CDH18: variants seen among roughly 807,000 people sequenced by gnomAD.
CDH18 encodes the protein cadherin-18.
Under a neutral mutation model 67.9 loss-of-function variants are expected in CDH18, and 31 were observed. That is an observed-to-expected ratio of 0.46 (90% CI 0.34 to 0.62). The LOEUF (loss-of-function observed/expected upper bound fraction) is 0.62. Ranked by LOEUF, CDH18 falls within the 20% of genes least tolerant of loss-of-function variation. The pLI, the probability that CDH18 is intolerant of heterozygous loss-of-function variation, is 0.01. For synonymous variants in CDH18, 362 were observed against 347.2 expected, an observed-to-expected ratio of 1.04 and a Z score of -0.48; for missense variants, 890 against 975.5, an observed-to-expected ratio of 0.91 and a Z score of 1.17.
chr5:20,182,311 C>T (rs1280706621), intron 2 of CDH18, among the ~76,000 whole-genome samples: 1 of 151,842 alleles, frequency 6.6e-6, no homozygotes, highest in East Asian at 1.9e-4. Flanking sequence ...TATGTTAAAA[C>T]TTAATCCTCA....
rs80261991 is a variant in CDH18 at position 19,926,797 on chromosome 5, A to T, written c.-257+54263T>A. ...TTTTTTTCTGAAAAGGTATGCCAAG[A>T]TATTTCACAATTTCATGCCTAGAAA... On this transcript the variant is annotated intron_variant, in intron 2 of 12. Coordinates refer to ENST00000382275, the MANE Select transcript of CDH18 (RefSeq NM_004934.5). Among the ~76,000 whole-genome samples the T allele has an allele frequency of 8.4e-3, 1,278 of 152,160 alleles. 19 individuals are homozygous for T. The highest frequency in any genetic ancestry group is 0.029 in the African/African-American group (1,217 of 41,538).
chr5:20,217,602 G>T (rs926617713), intron 2 of CDH18, among the ~76,000 whole-genome samples: 2 of 151,464 alleles, frequency 1.3e-5, no homozygotes, highest in Non-Finnish European at 3.0e-5. Flanking sequence ...AAAGGAAGGA[G>T]AAAAGAAAGA....
At chr5:19,548,734 C>T (rs10472287) in intron 8 of CDH18, among the ~76,000 whole-genome samples, 82,795 of 150,386 alleles carry the variant, frequency 0.55, 24,298 homozygotes, top group Middle Eastern at 0.69. Flanking sequence ...TCTAGGTCTA[C>T]TGAGTAATAT....
intron 11 of CDH18, among the ~76,000 whole-genome samples, chr5:19,484,615 C>T (rs765651420): frequency 6.6e-6 from 1 of 152,226 alleles, no homozygotes; most frequent in African/African-American, 2.4e-5. Flanking sequence ...TAGCATATAA[C>T]TAACGACTCA....
rs531601189 is a variant in CDH18 at position 20,253,183 on chromosome 5, G to A, written c.-518+2261C>T. Among the ~76,000 whole-genome samples, 6 of 152,126 alleles carry A rather than the reference G, an allele frequency of 3.9e-5. No homozygotes were observed. The East Asian group carries it at 7.7e-4, about 20-fold the overall frequency. On this transcript the variant is annotated intron_variant, in intron 2 of 14. Coordinates refer to the CDH18 transcript ENST00000507958. ...CTAATATGCACACCTGTGAAACTAC[G>A]CACAAGAATTCACTGGCACATAAAG...
chr5:20,298,915 C>A (rs768854434), intron 1 of CDH18, among the ~76,000 whole-genome samples: 1 of 151,868 alleles, frequency 6.6e-6, no homozygotes, highest in South Asian at 2.1e-4. Flanking sequence ...GAGAACAATG[C>A]GCACAAAGAC....
intron 2 of CDH18, among the ~76,000 whole-genome samples, chr5:20,000,234 A>T (rs1274790236): frequency 6.6e-6 from 1 of 152,218 alleles, no homozygotes; most frequent in East Asian, 1.9e-4. Context: ...AGATTACTAA[A>T]CTATATTGAC....
chr5:19,949,699 T>C (rs952169590), intron 2 of CDH18, among the ~76,000 whole-genome samples: 2 of 152,160 alleles, frequency 1.3e-5, no homozygotes, highest in African/African-American at 4.8e-5. Flanking sequence ...CTTGTCTGAA[T>C]AGATAAAATA....
In CDH18 at chr5:20,111,129, T is replaced by C. The variant is rs1037347857; in HGVS notation, c.-517-119115A>G. ...GTAATTCCTATACAATTATAGTTTA[T>C]GTAATAGTGAAACTTTTTAATTTTC... On this transcript the variant is annotated intron_variant, in intron 2 of 14. Transcript: ENST00000507958. Among the ~76,000 whole-genome samples the C allele has an allele frequency of 4.6e-5, 7 of 152,332 alleles. No individual in the cohort carries two copies. The East Asian group carries it at 1.4e-3, about 29-fold the overall frequency.
At chr5:20,162,235 T>C (rs1735945727) in intron 2 of CDH18, among the ~76,000 whole-genome samples, 1 of 152,032 alleles carries the variant, frequency 6.6e-6, no homozygotes, top group Non-Finnish European at 1.5e-5. Context: ...TTGTTTTAAA[T>C]TAGTTTTTGG....
chr5:19,756,578 C>A (rs190461781), intron 3 of CDH18, among the ~76,000 whole-genome samples: 26 of 152,272 alleles, frequency 1.7e-4, no homozygotes, highest in African/African-American at 6.0e-4. Flanking sequence ...TGTTCTTTAC[C>A]TCTGTTGTGG....
chr5:20,267,235 T>G (rs1344509507), intron 1 of CDH18, among the ~76,000 whole-genome samples: 2 of 152,224 alleles, frequency 1.3e-5, no homozygotes, highest in African/African-American at 4.8e-5. Flanking sequence ...CAAAGGTCAC[T>G]TAACTGGAAA....
At chr5:20,314,548 G>A (rs1737286953) in intron 1 of CDH18, among the ~76,000 whole-genome samples, 1 of 152,014 alleles carries the variant, frequency 6.6e-6, no homozygotes, top group Non-Finnish European at 1.5e-5. Flanking sequence ...CTGTGGGTAT[G>A]CATCTAGGTT....
chr5:20,136,254 T>A (rs534807672), intron 2 of CDH18, among the ~76,000 whole-genome samples: 1 of 152,300 alleles, frequency 6.6e-6, no homozygotes, highest in African/African-American at 2.4e-5. Context: ...TCTAAGGACT[T>A]GCTTTATGAA....
chr5:20,526,622 G>A (rs1756083457), intron 1 of CDH18, among the ~76,000 whole-genome samples: 1 of 152,056 alleles, frequency 6.6e-6, no homozygotes, highest in East Asian at 1.9e-4. Flanking sequence ...ACAGGGTCTG[G>A]AGTGGGCCCC....
chr5:20,397,743 C>A lies in CDH18; in HGVS notation c.-579-142238G>T, dbSNP rs563723119. Among the ~76,000 whole-genome samples, 8 of 152,094 alleles carry A rather than the reference C, an allele frequency of 5.3e-5. No homozygotes were observed. The South Asian group carries it at 1.7e-3, about 32-fold the overall frequency. On this transcript the variant is annotated intron_variant, in intron 1 of 14. Coordinates refer to the CDH18 transcript ENST00000507958. ...TACAATATTTTATTTTAATTATATC[C>A]TAAATGATATCATTTCAACATGTAA...
At chr5:19,824,888 G>C (rs1003471941) in intron 3 of CDH18, among the ~76,000 whole-genome samples, 23 of 151,760 alleles carry the variant, frequency 1.5e-4, no homozygotes, top group African/African-American at 5.6e-4. Context: ...AGTGGGTACA[G>C]TGGGTACAAC....
At chr5:20,274,485 A>C (rs555905790) in intron 1 of CDH18, among the ~76,000 whole-genome samples, 2 of 152,274 alleles carry the variant, frequency 1.3e-5, no homozygotes, top group South Asian at 4.1e-4. Flanking sequence ...GAAAGAAGGA[A>C]TACATATACA....
intron 5 of CDH18, among the ~76,000 whole-genome samples, chr5:19,655,038 A>G (rs1408968338): frequency 6.6e-6 from 1 of 152,090 alleles, no homozygotes; most frequent in Non-Finnish European, 1.5e-5. Context: ...CAAAAGCAAC[A>G]TTTAGGCACA....
Sources: allele counts gnomAD v4.1 joint callset (sites outside exome capture counted in the v4.1 genomes callset), GRCh38; gene constraint gnomAD v4.1.1; transcripts MANE v1.5; gene names NCBI Gene and HGNC (gene_info 2026-07-23, HGNC 2026-07-21).